The following CABIN1 variants were observed in gnomAD, a reference collection of about 807,000 sequenced individuals.
CABIN1 encodes the protein calcineurin-binding protein cabin-1.
In CABIN1, 133 loss-of-function variants were observed where a neutral mutation model predicts 227.7. The ratio of observed to expected loss-of-function variants is 0.58; its 90% CI spans 0.51 to 0.67. The LOEUF (loss-of-function observed/expected upper bound fraction) is 0.67, where lower values mean the gene tolerates loss of function less well. CABIN1 is among the 30% of genes least tolerant of loss of function. CABIN1 has a pLI of 0.00. For missense variants in CABIN1, 2,408 were observed against 2,852.5 expected, an observed-to-expected ratio of 0.84 and a Z score of 3.55; for synonymous variants, 1,086 against 1,155.1, an observed-to-expected ratio of 0.94 and a Z score of 1.21.
chr22:24,177,574 G>C lies in CABIN1; in HGVS notation c.6276G>C (p.Leu2092=). 2 of 1,600,592 alleles carry C rather than the reference G, an allele frequency of 1.2e-6. No individual in the cohort carries two copies. The highest frequency in any genetic ancestry group is 1.7e-6 in the Non-Finnish European group (2 of 1,170,820). Reference sequence around the variant, plus strand: ...AGGCTGCGAGTGAGACTCAGCCCCTGAGCTCTCCCCCAACAGCTGCCAGCT... The same window carrying C: ...AGGCTGCGAGTGAGACTCAGCCCCTCAGCTCTCCCCCAACAGCTGCCAGCT... ...AQEAASETQP[L]SSPPTAASSK... The change falls in exon 36 of 37, where the codon CTG becomes CTC. Residue 2092 remains leucine, a synonymous_variant. Transcript: ENST00000263119. This position sits in a 1 kb window ranked among gnomAD's most constrained non-coding sequence, Gnocchi z 4.4.
chr22:24,112,148 T>C (rs971179313), intron 26 of CABIN1, among the ~76,000 whole-genome samples: 1 of 149,452 alleles, frequency 6.7e-6, no homozygotes, highest in Non-Finnish European at 1.5e-5. Context: ...TGTACTTTTT[T>C]CTTTCTTTCT....
chr22:24,107,167 C>G (rs1235371202), intron 26 of CABIN1, among the ~76,000 whole-genome samples: 2 of 152,158 alleles, frequency 1.3e-5, no homozygotes, highest in Non-Finnish European at 2.9e-5. Flanking sequence ...GTACATAGCC[C>G]CTGCCTCTCC....
intron 29 of CABIN1, among the ~76,000 whole-genome samples, chr22:24,153,092 C>T (rs17004849): frequency 0.021 from 3,149 of 152,244 alleles, 131 homozygotes; most frequent in African/African-American, 0.071. Flanking sequence ...GGGATCTGGG[C>T]CTTGGATTTG....
In CABIN1 at chr22:24,170,150, C is replaced by G. The variant is rs776771888; in HGVS notation, c.5758-1563C>G. On this transcript the variant is annotated intron_variant, in intron 33 of 36. Transcript: ENST00000263119. ...CCAGACCCTGGTGCGGTGGGGGCGC[C>G]TTGGTATCTGCCGTGGGCAGATTTG... 8.7e-6 allele frequency: 4 copies of G among 458,996 alleles called. 1 individual carries two copies. Among genetic ancestry groups the G allele is most frequent in the South Asian group, 6.2e-5 (4 of 64,670 alleles). The allele number at this position is 458,996 out of a possible 1,614,324, so 28.4% of individuals were successfully genotyped here. A position where few individuals can be genotyped will look rare whatever the true frequency, so the allele number is the denominator to read the frequency against.
chr22:24,024,228 G>T (rs1018576999), intron 1 of CABIN1, among the ~76,000 whole-genome samples: 1 of 151,808 alleles, frequency 6.6e-6, no homozygotes, highest in African/African-American at 2.4e-5. Flanking sequence ...AAGTTTTAGG[G>T]TACATGTGCA....
chr22:24,085,228 G>A lies in CABIN1; in HGVS notation c.3263+77G>A, dbSNP rs574240110. Reference sequence around the variant, plus strand: ...CTCCAGCTCAGCAAGCTCTTCAGTGGGCCACTTTGGGGTTTCCCTGTCCAT... The same window carrying A: ...CTCCAGCTCAGCAAGCTCTTCAGTGAGCCACTTTGGGGTTTCCCTGTCCAT... On this transcript the variant is annotated intron_variant, in intron 22 of 36. Coordinates refer to ENST00000263119, the MANE Select transcript of CABIN1 (RefSeq NM_012295.4). 8.3e-4 allele frequency: 1,241 copies of A among 1,498,354 alleles called. 1 individual carries two copies. The highest frequency in any genetic ancestry group is 1.1e-3 in the Non-Finnish European group (1,202 of 1,080,486). The allele number at this position is 1,498,354 out of a possible 1,614,324, so 92.8% of individuals were successfully genotyped here.
chr22:24,093,118 T>A (rs372898329), intron 24 of CABIN1, among the ~76,000 whole-genome samples: 1 of 152,236 alleles, frequency 6.6e-6, no homozygotes, highest in Non-Finnish European at 1.5e-5. Flanking sequence ...AAAGGTGGAA[T>A]TGCCAGGTTG....
chr22:24,055,309 G>A (rs2038703309), intron 9 of CABIN1, 150 bp downstream of exon 9: 2 of 952,076 alleles, frequency 2.1e-6, no homozygotes. Flanking sequence ...CAGCCCTAGA[G>A]GAGCCTCTCA....
chr22:24,115,034 T>C (rs950548193), intron 27 of CABIN1, among the ~76,000 whole-genome samples: 6 of 152,232 alleles, frequency 3.9e-5, no homozygotes, highest in Admixed American at 2.6e-4. Context: ...GTAACTGACA[T>C]AAACACACTG....
At chr22:24,091,369 T>A (rs2147215832) in intron 23 of CABIN1, among the ~76,000 whole-genome samples, 1 of 152,306 alleles carries the variant, frequency 6.6e-6, no homozygotes, top group East Asian at 1.9e-4. Flanking sequence ...TAAGTCCTGC[T>A]CTATGCCTTG....
Position 24,072,478 on chromosome 22 carries a change from A to G in CABIN1, c.2600A>G (p.His867Arg). 6.2e-7 allele frequency: 1 copy of G among 1,614,204 alleles called. No individual in the cohort carries two copies. Among genetic ancestry groups the G allele is most frequent in the Non-Finnish European group, 8.5e-7 (1 of 1,180,040 alleles). ...GAAGACACCTTCCATTCTCTGTGCC[A>G]CCAGCAGCAGCTCCAAAACCCAGCG... ...QEEDTFHSLC[H>R]QQQLQNPAEE... is the part of the protein sequence containing the mutation. The change falls in exon 18 of 37, where the codon CAC becomes CGC. Residue 867 changes from histidine to arginine, a missense_variant. Coordinates refer to ENST00000263119, the MANE Select transcript of CABIN1 (RefSeq NM_012295.4).
intron 29 of CABIN1, among the ~76,000 whole-genome samples, chr22:24,142,911 C>T (rs1368777344): frequency 6.6e-6 from 1 of 152,152 alleles, no homozygotes; most frequent in African/African-American, 2.4e-5. Context: ...CACCTTCTCC[C>T]CTCTCAGGAC....
Position 24,084,611 on chromosome 22 carries a change from G to C in CABIN1, c.2943G>C (p.Met981Ile). ...VDLIWEDALFMFEYFKPKTLP... is the reference protein window; with the variant it reads ...VDLIWEDALFIFEYFKPKTLP... The stretch of plus-strand genomic sequence containing the variant: ...TTATATGGGAGGATGCACTGTTCAT[G>C]TTTGAGTATTTTAAGCCCAAGACCC... Residue 981 changes from methionine (M) to isoleucine (I), a missense_variant, in exon 21 of 37, where the codon ATG becomes ATC. Around this residue, in one of 3 missense-constraint regions of CABIN1, gnomAD observed 649 missense variants for 910.3 expected, o/e 0.71. Coordinates refer to ENST00000263119, the MANE Select transcript of CABIN1 (RefSeq NM_012295.4). 6.2e-7 allele frequency: 1 copy of C among 1,614,076 alleles called. No homozygotes were observed. The highest frequency in any genetic ancestry group is 8.5e-7 in the Non-Finnish European group (1 of 1,179,990).
chr22:24,053,050 C>G (rs903606001), intron 8 of CABIN1, among the ~76,000 whole-genome samples: 2 of 150,856 alleles, frequency 1.3e-5, no homozygotes, highest in African/African-American at 4.9e-5. Context: ...ATTTGAAGCA[C>G]TGTCCTTTTT....
Position 24,059,793 on chromosome 22 carries a change from A to G in CABIN1, c.1400-131A>G, listed in dbSNP as rs1182447584. On this transcript the variant is annotated intron_variant, in intron 11 of 36. Coordinates refer to ENST00000263119, the MANE Select transcript of CABIN1 (RefSeq NM_012295.4). ...CCAGTAGCCTGATCTCAGCACCACA[A>G]CGTGGTATCATGTCCACCTGGATCA... is the stretch of plus-strand genomic sequence containing the variant. The G allele has an allele frequency of 8.5e-6, 7 of 825,564 alleles. No homozygotes were observed. In the East Asian group the frequency reaches 1.1e-4, roughly 13 times the overall value. 51.1% of individuals were successfully genotyped at this position (825,564 alleles called of 1,614,324 possible).
At chr22:24,046,791 A>G (rs143703147) in intron 6 of CABIN1, among the ~76,000 whole-genome samples, 3 of 152,306 alleles carry the variant, frequency 2.0e-5, no homozygotes, top group African/African-American at 7.2e-5. Context: ...GTTCTAGTCC[A>G]AGTCCAAAGG....
chr22:24,171,568 G>A (rs1601283980), intron 33 of CABIN1, 145 bp from the exon 34 acceptor site: 1 of 863,420 alleles, frequency 1.2e-6, no homozygotes, highest in Non-Finnish European at 1.8e-6. Flanking sequence ...AGCATTGTGG[G>A]GGCTCAGTGG....
At position 24,070,855 on chromosome 22, in the gene CABIN1, C is replaced by G. The variant is rs747237484; in HGVS notation, c.2288C>G (p.Ala763Gly). ...YRQCFECSDV[A>G]LNEAVQQMVN... ...CAGTGTTTTGAGTGTTCCGATGTGG[C>G]TCTGAACGAGGCTGTCCAGCAGATG... is the stretch of plus-strand genomic sequence containing the variant. Residue 763 changes from alanine to glycine, a missense_variant, in exon 17 of 37, where the codon GCT becomes GGT. Physicochemically the swap from Ala to Gly is moderately conservative, Grantham distance 60. Transcript: ENST00000263119. 3.7e-6 allele frequency: 6 copies of G among 1,614,232 alleles called. No homozygotes were observed. Among genetic ancestry groups the G allele is most frequent in the Non-Finnish European group, 5.1e-6 (6 of 1,180,036 alleles).
At chr22:24,047,399 C>G (rs1309566954) in intron 6 of CABIN1, among the ~76,000 whole-genome samples, 1 of 152,186 alleles carries the variant, frequency 6.6e-6, no homozygotes, top group African/African-American at 2.4e-5. Context: ...CTTAATGCAG[C>G]TAATGTGCCT....
Sources: allele counts gnomAD v4.1 joint callset (sites outside exome capture counted in the v4.1 genomes callset), GRCh38; gene constraint gnomAD v4.1.1; regional missense constraint gnomAD v4.1.1; non-coding constraint Gnocchi (gnomAD v3.1); transcripts MANE v1.5; gene names NCBI Gene and HGNC (gene_info 2026-07-23, HGNC 2026-07-21).